The following NFATC1 variants were observed in gnomAD, a reference collection of about 807,000 sequenced individuals.
NFATC1 encodes nuclear factor of activated T-cells, cytoplasmic 1.
Under a neutral mutation model 76.0 loss-of-function variants are expected in NFATC1, and 22 were observed. That is an observed-to-expected ratio of 0.29 (90% confidence interval 0.21 to 0.41). The LOEUF is 0.41. Among genes scored for constraint, NFATC1 ranks in the 10% least tolerant of loss-of-function variants. The pLI is 1.00. For missense variants in NFATC1, 1,357 were observed against 1,337.7 expected (o/e 1.01, Z -0.23); for synonymous variants, 704 against 613.1 (o/e 1.15, Z -2.19).
chr18:79,445,617 T>G (rs973161665), intron 3 of NFATC1, among the ~76,000 whole-genome samples: 3 of 152,234 alleles, frequency 2.0e-5, no homozygotes, highest in Non-Finnish European at 2.9e-5. Context: ...GAAACCGGTT[T>G]GTGAGCCGGA....
At chr18:79,498,792 C>T (rs986816474) in intron 9 of NFATC1, among the ~76,000 whole-genome samples, 14 of 152,168 alleles carry the variant, frequency 9.2e-5, no homozygotes, top group Admixed American at 1.3e-4. Context: ...CTTCTCAGTA[C>T]GTGGGATGCT....
In NFATC1 at chr18:79,410,518, G is replaced by A. The variant is rs768243847; in HGVS notation, c.243G>A (p.Pro81=). 5.7e-5 allele frequency: 92 copies of A among 1,611,578 alleles called. No homozygotes were observed. Among genetic ancestry groups the A allele is most frequent in the Non-Finnish European group, 6.9e-5 (81 of 1,179,982 alleles). The part of the protein sequence containing the change: ...NLQTSTPGII[P]PADHPSGYGA... The stretch of plus-strand genomic sequence containing the variant: ...AGACCTCCACACCGGGCATCATCCC[G>A]CCGGCGGATCACCCCTCGGGGTACG... Residue 81 remains proline (P), a synonymous_variant, in exon 2 of 10, where the codon CCG becomes CCA. Transcript: ENST00000427363. This position sits in a 1 kb window ranked among gnomAD's most constrained non-coding sequence, Gnocchi z 6.7.
chr18:79,432,152 G>A (rs915808789), intron 2 of NFATC1, among the ~76,000 whole-genome samples: 2 of 152,238 alleles, frequency 1.3e-5, no homozygotes, highest in Non-Finnish European at 2.9e-5. Context: ...AAGCTGCCCC[G>A]CATGTCCCAT....
chr18:79,503,035 C>T (rs539133814), intron 9 of NFATC1, among the ~76,000 whole-genome samples: 35 of 152,230 alleles, frequency 2.3e-4, no homozygotes, highest in Non-Finnish European at 4.8e-4. Flanking sequence ...TCCTTCACAG[C>T]GTTCTTTAGC....
chr18:79,423,047 C>T (rs1489783033), intron 2 of NFATC1, among the ~76,000 whole-genome samples: 2 of 151,428 alleles, frequency 1.3e-5, no homozygotes, highest in African/African-American at 4.9e-5. Context: ...ATGGCAGGGC[C>T]TGTGTCCAAA....
intron 8 of NFATC1, among the ~76,000 whole-genome samples, chr18:79,475,530 G>A (rs936704846): frequency 2.7e-5 from 4 of 147,524 alleles, no homozygotes; most frequent in Non-Finnish European, 4.4e-5. Context: ...GCTCACCGTC[G>A]ACACTGTAAA....
intron 8 of NFATC1, among the ~76,000 whole-genome samples, chr18:79,483,623 G>GTGT (rs2089393228): frequency 2.8e-5 from 4 of 140,698 alleles, no homozygotes; most frequent in African/African-American, 8.2e-5. Flanking sequence ...CGTTCCTGGG[G>GTGT]CGTCACTCTG....
At chr18:79,464,690 A>ATC in intron 7 of NFATC1, among the ~76,000 whole-genome samples, 1 of 113,754 alleles carries the variant, frequency 8.8e-6, no homozygotes, top group African/African-American at 4.4e-5. Flanking sequence ...GTGTATATAT[A>ATC]TATATTTATT....
chr18:79,525,544 G>A (rs112132831), intron 9 of NFATC1, among the ~76,000 whole-genome samples: 9 of 151,598 alleles, frequency 5.9e-5, no homozygotes, highest in East Asian at 2.0e-4. Flanking sequence ...TCCCACCGTC[G>A]TTACCTCTCA....
At position 79,410,302 on chromosome 18, in the gene NFATC1, G is replaced by A. The variant is rs917782237; in HGVS notation, c.128-101G>A. ...TGCTGAGGCCCGCTCCTTGGGGTCC[G>A]TTGGTCGAGGCCGGGGGTTGCTGGC... On this transcript the variant is annotated intron_variant, in intron 1 of 9. Transcript: ENST00000427363. This position sits in a 1 kb window ranked among gnomAD's most constrained non-coding sequence, Gnocchi z 6.7. 5.8e-5 allele frequency: 87 copies of A among 1,513,032 alleles called. No individual in the cohort carries two copies. The highest frequency in any genetic ancestry group is 2.7e-4 in the East Asian group (12 of 44,094). 93.7% of individuals were successfully genotyped at this position (1,513,032 alleles called of 1,614,324 possible).
chr18:79,501,066 C>A (rs990845070), intron 9 of NFATC1, among the ~76,000 whole-genome samples: 1 of 151,770 alleles, frequency 6.6e-6, no homozygotes, highest in Non-Finnish European at 1.5e-5. Flanking sequence ...AACACAGGAG[C>A]AAAAATCCAC....
chr18:79,512,230 G>T (rs1319729655), intron 9 of NFATC1, among the ~76,000 whole-genome samples: 1 of 152,004 alleles, frequency 6.6e-6, no homozygotes, highest in African/African-American at 2.4e-5. Flanking sequence ...CAGGACACTG[G>T]CGAGTGTTTG....
intron 1 of NFATC1, among the ~76,000 whole-genome samples, chr18:79,397,308 T>G (rs1296137669): frequency 6.6e-6 from 1 of 152,258 alleles, no homozygotes; most frequent in Non-Finnish European, 1.5e-5. Context: ...TTTATATAAT[T>G]TATTTAAAGA....
chr18:79,412,010 C>A (rs576975340), intron 2 of NFATC1, among the ~76,000 whole-genome samples: 11 of 152,230 alleles, frequency 7.2e-5, no homozygotes, highest in African/African-American at 2.4e-4. Flanking sequence ...CAGATGGGAC[C>A]GCAGCTCAAC....
chr18:79,491,300 G>A (rs2089670969), intron 9 of NFATC1, among the ~76,000 whole-genome samples: 1 of 152,146 alleles, frequency 6.6e-6, no homozygotes, highest in Admixed American at 6.5e-5. Context: ...AACAAGGGAC[G>A]ATCCCAGCAC....
In NFATC1 at chr18:79,518,524, G is replaced by C. The variant is rs201100945; in HGVS notation, c.2783-9004G>C. On this transcript the variant is annotated intron_variant, in intron 9 of 9. Coordinates refer to ENST00000427363, the MANE Select transcript of NFATC1 (RefSeq NM_001278669.2). ...CCCCCTCTCGCTCGTGAAAGATGCA[G>C]ATCAGAGCACCTGAGAGGGTGTCCT... Among the ~76,000 whole-genome samples the C allele has an allele frequency of 1.4e-4, 21 of 152,344 alleles. No individual in the cohort carries two copies. The East Asian group carries it at 2.1e-3, about 15-fold the overall frequency.
intron 3 of NFATC1, among the ~76,000 whole-genome samples, chr18:79,445,041 G>A (rs575038216): frequency 5.3e-5 from 8 of 152,376 alleles, no homozygotes; most frequent in Admixed American, 2.6e-4. Context: ...GGGAGGATGC[G>A]GGGGTGTGTC....
intron 2 of NFATC1, chr18:79,421,301 C>G (rs956992857): frequency 3.3e-5 from 5 of 152,342 alleles, no homozygotes; most frequent in African/African-American, 9.6e-5. Context: ...TTCCCTGACA[C>G]CAAGATGACA....
Position 79,484,290 on chromosome 18 carries a change from G to A in NFATC1, c.2093-1958G>A, listed in dbSNP as rs114801043. ...GCCTGGGCTGCAGAGCCCCAGGAAG[G>A]CCTGGCACGACCCTCAGCAGAGTGT... On this transcript the variant is annotated intron_variant, in intron 8 of 9. Transcript: ENST00000427363. 9.3e-3 allele frequency among the ~76,000 whole-genome samples: 1,415 copies of A among 152,232 alleles called. 25 individuals are homozygous for A. Among genetic ancestry groups the A allele is most frequent in the African/African-American group, 0.032 (1,333 of 41,514 alleles).
Sources: allele counts gnomAD v4.1 joint callset (sites outside exome capture counted in the v4.1 genomes callset), GRCh38; gene constraint gnomAD v4.1.1; non-coding constraint Gnocchi (gnomAD v3.1); transcripts MANE v1.5; gene names NCBI Gene and HGNC (gene_info 2026-07-23, HGNC 2026-07-21).